TNR: variants seen among roughly 807,000 people sequenced by gnomAD.
The protein encoded by TNR is tenascin R.
A neutral mutation model predicts 150.4 loss-of-function variants in TNR; 45 were observed. That is an observed-to-expected ratio of 0.30 (90% CI 0.24 to 0.38). The LOEUF (loss-of-function observed/expected upper bound fraction) is 0.38, where lower values mean the gene tolerates loss of function less well. Among genes scored for constraint, TNR ranks in the 10% least tolerant of loss-of-function variants. The pLI, the probability that TNR is intolerant of heterozygous loss-of-function variation, is 1.00. For synonymous variants in TNR, 687 were observed against 678.4 expected (o/e 1.01, Z -0.20); for missense variants, 1,544 against 1,759.1 (o/e 0.88, Z 2.19).
At position 175,319,242 on chromosome 1, in the gene TNR, T is replaced by C. The variant is rs779886905; in HGVS notation, c.*4115A>G. ...TCCCTAGGGTATTTGCAAATCCAGG[T>C]CACCAGCTAGTCTATTTCAACACCC... is the stretch of plus-strand genomic sequence containing the variant. On this transcript the variant is annotated 3_prime_UTR_variant, in exon 23 of 23. Transcript: ENST00000367674. 1.3e-5 allele frequency: 2 copies of C among 152,196 alleles called. No individual in the cohort carries two copies. Among genetic ancestry groups the C allele is most frequent in the East Asian group, 3.8e-4 (2 of 5,200 alleles). The allele number at this position is 152,196 out of a possible 1,614,324, so 9.4% of individuals were successfully genotyped here.
rs2101972520 is a variant in TNR, at chr1:175,317,106, G to A, written c.*6251C>T. Reference sequence around the variant, plus strand: ...CCTCCCTTCCCTCTTCTATAAAATGGTTAAACCTGACTTAAAGTTTATGGT... The same window carrying A: ...CCTCCCTTCCCTCTTCTATAAAATGATTAAACCTGACTTAAAGTTTATGGT... On this transcript the variant is annotated 3_prime_UTR_variant, in exon 23 of 23. Transcript: ENST00000367674. 6.6e-6 allele frequency: 1 copy of A among 152,300 alleles called. No individual in the cohort carries two copies. The highest frequency in any genetic ancestry group is 3.4e-3 in the Middle Eastern group (1 of 294). 9.4% of individuals were successfully genotyped at this position (152,300 alleles called of 1,614,324 possible).
At chr1:175,409,806 C>A (rs1654128133) in intron 2 of TNR, among the ~76,000 whole-genome samples, 1 of 130,000 alleles carries the variant, frequency 7.7e-6, no homozygotes, top group Non-Finnish European at 1.6e-5. Context: ...TTATTAAGTA[C>A]CTATTATATG....
At chr1:175,642,250 A>G (rs929330786) in intron 1 of TNR, among the ~76,000 whole-genome samples, 1 of 152,240 alleles carries the variant, frequency 6.6e-6, no homozygotes, top group Non-Finnish European at 1.5e-5. Context: ...TTGTGTGCAC[A>G]CATACACACA....
At chr1:175,587,288 T>C (rs1662612560) in intron 1 of TNR, among the ~76,000 whole-genome samples, 1 of 152,206 alleles carries the variant, frequency 6.6e-6, no homozygotes, top group Non-Finnish European at 1.5e-5. Context: ...AATTAAGGAA[T>C]GCAGAGTGGC....
chr1:175,441,674 C>T (rs1041953285), intron 2 of TNR, among the ~76,000 whole-genome samples: 4 of 152,156 alleles, frequency 2.6e-5, no homozygotes, highest in South Asian at 2.1e-4. Context: ...GGTGGCCCCT[C>T]GAGCTACATT....
intron 2 of TNR, among the ~76,000 whole-genome samples, chr1:175,457,290 C>A (rs1013264502): frequency 6.6e-6 from 1 of 152,216 alleles, no homozygotes; most frequent in South Asian, 2.1e-4. Flanking sequence ...CTGCCCCAAC[C>A]ACTAGGATGT....
chr1:175,715,920 C>T (rs1176229063), intron 1 of TNR, among the ~76,000 whole-genome samples: 1 of 152,218 alleles, frequency 6.6e-6, no homozygotes, highest in African/African-American at 2.4e-5. Flanking sequence ...AACTGCCCTA[C>T]TTCCTGCACA....
intron 22 of TNR, 58 bp from the exon 23 acceptor site, chr1:175,323,534 C>CAAAAAA: frequency 6.3e-7 from 1 of 1,577,630 alleles, no homozygotes; most frequent in African/African-American, 1.4e-5. Flanking sequence ...CGCCCCACTT[C>CAAAAAA]AAAAAAGGGG....
chr1:175,397,330 T>C (rs1212139896), intron 4 of TNR, among the ~76,000 whole-genome samples: 2 of 152,308 alleles, frequency 1.3e-5, no homozygotes, highest in African/African-American at 2.4e-5. Flanking sequence ...GTAATTGAAA[T>C]TGGCCATGGA....
In TNR at chr1:175,449,765, C is replaced by T. The variant is rs182391091; in HGVS notation, c.-63-42988G>A. Among the ~76,000 whole-genome samples the T allele has an allele frequency of 3.7e-3, 564 of 152,302 alleles. 1 individual carries two copies. Among genetic ancestry groups the T allele is most frequent in the Non-Finnish European group, 6.2e-3 (419 of 68,016 alleles). Reference sequence around the variant, plus strand: ...TTTTGAAGAGATTTTCTTTCACCTGCTCATACAGGAGGGAGGAGAGGCCTC... The same window carrying T: ...TTTTGAAGAGATTTTCTTTCACCTGTTCATACAGGAGGGAGGAGAGGCCTC... On this transcript the variant is annotated intron_variant, in intron 2 of 22. Coordinates refer to ENST00000367674, the MANE Select transcript of TNR (RefSeq NM_003285.3).
chr1:175,333,260 A>G (rs1345649687), intron 20 of TNR: 3 of 152,240 alleles, frequency 2.0e-5, no homozygotes, highest in East Asian at 3.8e-4. Flanking sequence ...TTCTTTTAAA[A>G]ATAGATTTAA....
chr1:175,728,055 T>C (rs556285172), intron 1 of TNR, among the ~76,000 whole-genome samples: 15 of 152,214 alleles, frequency 9.9e-5, no homozygotes, highest in Non-Finnish European at 2.1e-4. Context: ...GTATAGTTGT[T>C]CAGACATAAG....
In TNR at chr1:175,596,593, T is replaced by C. The variant is rs76703323; in HGVS notation, c.-164-68224A>G. 2.7e-3 allele frequency among the ~76,000 whole-genome samples: 415 copies of C among 152,238 alleles called. 3 individuals carry two copies. Among genetic ancestry groups the C allele is most frequent in the African/African-American group, 9.7e-3 (402 of 41,532 alleles). On this transcript the variant is annotated intron_variant, in intron 1 of 22. Coordinates refer to ENST00000367674, the MANE Select transcript of TNR (RefSeq NM_003285.3). ...CAACATAACAAACCTCATTTTCCAG[T>C]GTGGGAAAAAAAATCATTGAAATAA... is the stretch of plus-strand genomic sequence containing the variant.
intron 1 of TNR, among the ~76,000 whole-genome samples, chr1:175,613,449 A>G (rs1663662331): frequency 6.6e-6 from 1 of 151,928 alleles, no homozygotes; most frequent in South Asian, 2.1e-4. Context: ...ATCCCCCTCC[A>G]TCAACCCCAC....
At chr1:175,498,214 C>A (rs1398822349) in intron 2 of TNR, among the ~76,000 whole-genome samples, 3 of 152,242 alleles carry the variant, frequency 2.0e-5, no homozygotes, top group Non-Finnish European at 4.4e-5. Flanking sequence ...CAACCTCTTG[C>A]ATAGTAAGAA....
At position 175,491,019 on chromosome 1, in the gene TNR, C is replaced by A. The variant is rs183221210; in HGVS notation, c.-64+37250G>T. Among the ~76,000 whole-genome samples the A allele has an allele frequency of 2.6e-5, 4 of 152,234 alleles. No individual in the cohort carries two copies. In the East Asian group the frequency reaches 5.8e-4, roughly 22 times the overall value. On this transcript the variant is annotated intron_variant, in intron 2 of 22. Coordinates refer to ENST00000367674, the MANE Select transcript of TNR (RefSeq NM_003285.3). ...ATAAAGAAAATGTAGTAGGTATATA[C>A]CGTGGAATAATATGTAGCCATAAAA...
intron 2 of TNR, among the ~76,000 whole-genome samples, chr1:175,495,158 C>T (rs1259292243): frequency 6.6e-6 from 1 of 152,166 alleles, no homozygotes; most frequent in Non-Finnish European, 1.5e-5. Flanking sequence ...GACGAGTTGT[C>T]CTCCCAGGCT....
chr1:175,720,591 T>C (rs926546192), intron 1 of TNR, among the ~76,000 whole-genome samples: 1 of 152,230 alleles, frequency 6.6e-6, no homozygotes, highest in African/African-American at 2.4e-5. Flanking sequence ...AATAGGTTGA[T>C]AGCTTTATGA....
intron 3 of TNR, among the ~76,000 whole-genome samples, chr1:175,405,886 C>T (rs111816466): frequency 1.5e-4 from 23 of 152,304 alleles, no homozygotes; most frequent in African/African-American, 5.5e-4. Flanking sequence ...AAATTCCCTG[C>T]TCGCCATCGA....
Sources: allele counts gnomAD v4.1 joint callset (sites outside exome capture counted in the v4.1 genomes callset), GRCh38; gene constraint gnomAD v4.1.1; transcripts MANE v1.5; gene names NCBI Gene and HGNC (gene_info 2026-07-23, HGNC 2026-07-21).